The following CERS6 variants were observed in gnomAD, a reference collection of about 807,000 sequenced individuals.
CERS6 encodes ceramide synthase 6, also known as LAG1 homolog, ceramide synthase 6.
CERS6 carries 26 observed loss-of-function variants against 56.8 expected under a neutral mutation model. The ratio of observed to expected loss-of-function variants is 0.46; its 90% CI spans 0.34 to 0.63. The LOEUF is 0.63. Among genes scored for constraint, CERS6 ranks in the 30% least tolerant of loss-of-function variants. The probability of loss-of-function intolerance (pLI) is 0.01; values close to 1 mark genes in which losing one functional copy is unlikely to be tolerated. For missense variants in CERS6, 415 were observed against 467.5 expected (o/e 0.89, Z 1.04); for synonymous variants, 164 against 173.3 (o/e 0.95, Z 0.42).
intron 6 of CERS6, among the ~76,000 whole-genome samples, chr2:168,710,229 A>G (rs4668099): frequency 0.26 from 40,048 of 152,176 alleles, 6,557 homozygotes; most frequent in Middle Eastern, 0.44. Flanking sequence ...TATCAGATAC[A>G]TCTCAGGAAA....
At chr2:168,544,974 G>A (rs918265369) in intron 1 of CERS6, among the ~76,000 whole-genome samples, 5 of 151,780 alleles carry the variant, frequency 3.3e-5, no homozygotes, top group East Asian at 1.9e-4. Flanking sequence ...CTGGTGAGCC[G>A]CTGGGCCCAG....
In CERS6 at chr2:168,743,995, C is replaced by CTTTTTTTTTT. The variant is rs58256507; in HGVS notation, c.846-21586_846-21577dup. On this transcript the variant is annotated intron_variant, in intron 8 of 9. Coordinates refer to ENST00000305747, the MANE Select transcript of CERS6 (RefSeq NM_203463.3). ...TACTGTTTTCTTTTTTCTTTTTTTT[C>CTTTTTTTTTT]TTTTTTTTTTTTTTTTTTTTGAGAT... 1.4e-3 allele frequency among the ~76,000 whole-genome samples: 90 copies of CTTTTTTTTTT among 63,402 alleles called. 1 individual carries two copies. The highest frequency in any genetic ancestry group is 3.4e-3 in the African/African-American group (50 of 14,554). The allele number at this position is 63,402 out of a possible 152,430, so 41.6% of individuals were successfully genotyped here.
intron 3 of CERS6, among the ~76,000 whole-genome samples, chr2:168,594,877 T>C: frequency 6.6e-6 from 1 of 152,182 alleles, no homozygotes; most frequent in African/African-American, 2.4e-5. Flanking sequence ...TGTTTGTTTT[T>C]CCCCCAGCTA....
chr2:168,732,196 C>T (rs1443938667), intron 8 of CERS6, among the ~76,000 whole-genome samples: 1 of 152,168 alleles, frequency 6.6e-6, no homozygotes, highest in Non-Finnish European at 1.5e-5. Context: ...ATTCCCTACT[C>T]TCAGTAGCAG....
chr2:168,586,052 C>T (rs1032892237), intron 3 of CERS6, among the ~76,000 whole-genome samples: 1 of 152,164 alleles, frequency 6.6e-6, no homozygotes, highest in Non-Finnish European at 1.5e-5. Flanking sequence ...GGCATAATCA[C>T]GGCTCACTGC....
intron 6 of CERS6, among the ~76,000 whole-genome samples, chr2:168,704,501 T>G (rs950680429): frequency 1.3e-5 from 2 of 152,134 alleles, no homozygotes; most frequent in Admixed American, 6.5e-5. Flanking sequence ...ACTCCTTCAC[T>G]TTCCATCCCC....
chr2:168,566,365 A>C (rs944306157), intron 3 of CERS6, among the ~76,000 whole-genome samples: 6 of 152,198 alleles, frequency 3.9e-5, no homozygotes, highest in Non-Finnish European at 8.8e-5. Context: ...ATACTGATTA[A>C]AACTTTCCCC....
intron 1 of CERS6, among the ~76,000 whole-genome samples, chr2:168,535,718 T>C (rs1003515377): frequency 1.3e-5 from 2 of 149,244 alleles, no homozygotes; most frequent in African/African-American, 5.0e-5. Flanking sequence ...TTCATATGTC[T>C]ATTGGTCATT....
At chr2:168,548,498 A>G (rs1163816102) in intron 2 of CERS6, among the ~76,000 whole-genome samples, 1 of 152,230 alleles carries the variant, frequency 6.6e-6, no homozygotes, top group Non-Finnish European at 1.5e-5. Flanking sequence ...TCTTGTTTGG[A>G]CAAGAAAGAA....
intron 4 of CERS6, among the ~76,000 whole-genome samples, chr2:168,680,036 T>G (rs1334715296): frequency 6.6e-6 from 1 of 152,166 alleles, no homozygotes; most frequent in Non-Finnish European, 1.5e-5. Context: ...CTACGGCATT[T>G]TCAAAGAGTC....
At chr2:168,561,012 T>G (rs1193647782) in intron 2 of CERS6, among the ~76,000 whole-genome samples, 180 bp from the exon 3 acceptor site, 1 of 152,162 alleles carries the variant, frequency 6.6e-6, no homozygotes, top group Non-Finnish European at 1.5e-5. Flanking sequence ...GTCCTAGTGG[T>G]TATTTTTGTT....
At chr2:168,520,772 G>A (rs1694964433) in intron 1 of CERS6, among the ~76,000 whole-genome samples, 1 of 151,474 alleles carries the variant, frequency 6.6e-6, no homozygotes, top group Non-Finnish European at 1.5e-5. Context: ...AACACACCCA[G>A]CTTATTTTTG....
chr2:168,761,037 G>T (rs887178748), intron 8 of CERS6, among the ~76,000 whole-genome samples: 1 of 152,174 alleles, frequency 6.6e-6, no homozygotes, highest in Non-Finnish European at 1.5e-5. Context: ...GATTATAGGC[G>T]TGAGCCACCG....
intron 1 of CERS6, among the ~76,000 whole-genome samples, chr2:168,475,560 GATGT>G (rs1472929746): frequency 6.9e-6 from 1 of 144,304 alleles, no homozygotes; most frequent in African/African-American, 2.6e-5. Flanking sequence ...AAATTTAATG[GATGT>G]ATAAACAATA....
chr2:168,556,084 A>G lies in CERS6; in HGVS notation c.277-5108A>G, dbSNP rs887796848. Among the ~76,000 whole-genome samples the G allele has an allele frequency of 7.9e-5, 12 of 152,254 alleles. No homozygotes were observed. In the East Asian group the frequency reaches 2.3e-3, roughly 29 times the overall value. ...ATATGTCATCTCATAAAAAATTCTAACATACTCTTAACAGGAGATAATTCT... is the reference window on the plus strand; with the variant it reads ...ATATGTCATCTCATAAAAAATTCTAGCATACTCTTAACAGGAGATAATTCT... On this transcript the variant is annotated intron_variant, in intron 2 of 9. Transcript: ENST00000305747.
chr2:168,657,116 A>G (rs923810914), intron 4 of CERS6, among the ~76,000 whole-genome samples: 5 of 152,090 alleles, frequency 3.3e-5, no homozygotes, highest in African/African-American at 1.2e-4. Context: ...CGTCCTCACC[A>G]GAGCAGCTAG....
In CERS6 at chr2:168,747,169, C is replaced by T. The variant is rs554280849; in HGVS notation, c.846-18423C>T. ...AGCATGATGGTGCATGCCTATGGTC[C>T]CAGTTACTCAGGAGGCTGAGGTTGG... On this transcript the variant is annotated intron_variant, in intron 8 of 9. Transcript: ENST00000305747. Among the ~76,000 whole-genome samples, 7 of 151,954 alleles carry T rather than the reference C, an allele frequency of 4.6e-5. No homozygotes were observed. In the East Asian group the frequency reaches 1.2e-3, roughly 25 times the overall value.
At chr2:168,643,021 G>A (rs1685085071) in intron 4 of CERS6, among the ~76,000 whole-genome samples, 1 of 152,130 alleles carries the variant, frequency 6.6e-6, no homozygotes, top group South Asian at 2.1e-4. Context: ...GTTATATTTG[G>A]CACTAGCTAT....
At chr2:168,570,762 A>G (rs1456196605) in intron 3 of CERS6, among the ~76,000 whole-genome samples, 1 of 152,130 alleles carries the variant, frequency 6.6e-6, no homozygotes, top group Admixed American at 6.5e-5. Context: ...AAGTCTTTTA[A>G]TGTTGCCAAG....
Sources: allele counts gnomAD v4.1 joint callset (sites outside exome capture counted in the v4.1 genomes callset), GRCh38; gene constraint gnomAD v4.1.1; transcripts MANE v1.5; gene names NCBI Gene and HGNC (gene_info 2026-07-23, HGNC 2026-07-21).